STARD13: variants seen among roughly 807,000 people sequenced by gnomAD.
The protein encoded by STARD13 is stAR-related lipid transfer protein 13.
In STARD13, 62 loss-of-function variants were observed where a neutral mutation model predicts 106.4. The observed-to-expected ratio is 0.58, with a 90% confidence interval of 0.48 to 0.72. The LOEUF (loss-of-function observed/expected upper bound fraction) is 0.72, where lower values mean the gene tolerates loss of function less well. Among genes scored for constraint, STARD13 ranks in the 30% least tolerant of loss-of-function variants. The pLI is 0.00. For missense variants in STARD13, 1,387 were observed against 1,424.0 expected (o/e 0.97, Z 0.42); for synonymous variants, 565 against 553.0 (o/e 1.02, Z -0.31).
At chr13:33,202,751 G>A (rs1478054644) in intron 1 of STARD13, among the ~76,000 whole-genome samples, 1 of 152,178 alleles carries the variant, frequency 6.6e-6, no homozygotes, top group Non-Finnish European at 1.5e-5. Context: ...ATTTAGCAGA[G>A]CACAGGGACA....
downstream of STARD13, among the ~76,000 whole-genome samples, chr13:33,346,255 C>A (rs182976322): frequency 1.3e-5 from 2 of 152,318 alleles, no homozygotes; most frequent in Admixed American, 6.5e-5. Context: ...GCCACCCCAG[C>A]TGACAGCTTG....
intron 4 of STARD13, among the ~76,000 whole-genome samples, chr13:33,135,976 G>A (rs1878999258): frequency 6.6e-6 from 1 of 152,070 alleles, no homozygotes; most frequent in African/African-American, 2.4e-5. Flanking sequence ...ACAGAAATTA[G>A]CCTGGTATGG....
the STARD13 span, among the ~76,000 whole-genome samples, chr13:33,515,129 G>A: frequency 6.6e-6 from 1 of 152,122 alleles, no homozygotes; most frequent in Non-Finnish European, 1.5e-5. Context: ...AAATGTTCTG[G>A]CTTCAGTTCC....
At chr13:33,111,183 C>T (rs1053559526) in intron 10 of STARD13, among the ~76,000 whole-genome samples, 3 of 152,170 alleles carry the variant, frequency 2.0e-5, no homozygotes, top group African/African-American at 7.2e-5. Flanking sequence ...CCTTTACTGT[C>T]TTTTTATTCA....
the STARD13 span, among the ~76,000 whole-genome samples, chr13:33,535,176 T>C: frequency 6.6e-6 from 1 of 152,074 alleles, no homozygotes; most frequent in Non-Finnish European, 1.5e-5. Context: ...GATCATGCCA[T>C]TGTGCTCCAG....
the STARD13 span, among the ~76,000 whole-genome samples, chr13:33,618,299 T>C: frequency 6.6e-6 from 1 of 152,254 alleles, no homozygotes. Flanking sequence ...CTTTTATATG[T>C]CAGTCATTGA....
chr13:33,378,658 C>T, the STARD13 span, among the ~76,000 whole-genome samples: 5 of 151,852 alleles, frequency 3.3e-5, no homozygotes, highest in Admixed American at 6.6e-5. Flanking sequence ...AGTGTGGTGG[C>T]GGGCGCCTGT....
intron 8 of STARD13, 122 bp downstream of exon 8, chr13:33,117,943 A>T: frequency 1.3e-6 from 2 of 1,507,652 alleles, no homozygotes; most frequent in Non-Finnish European, 8.8e-7. Context: ...GGAGAGCAGG[A>T]TTACATACAT....
Position 33,104,965 on chromosome 13 carries a change from A to G in STARD13, c.*628T>C, listed in dbSNP as rs2138043412. On this transcript the variant is annotated 3_prime_UTR_variant, in exon 14 of 14. Coordinates refer to ENST00000336934, the MANE Select transcript of STARD13 (RefSeq NM_178006.4). ...AGATCTCCACTCTCAGTTTTTGAAT[A>G]GCAGAAACAAAGCGTTAACACATAA... 6.5e-6 allele frequency: 1 copy of G among 153,170 alleles called. No homozygotes were observed. The highest frequency in any genetic ancestry group is 3.4e-3 in the Middle Eastern group (1 of 294). 9.5% of individuals were successfully genotyped at this position (153,170 alleles called of 1,614,324 possible). A position where few individuals can be genotyped will look rare whatever the true frequency, so the allele number is the denominator to read the frequency against.
At chr13:33,595,340 T>C in the STARD13 span, among the ~76,000 whole-genome samples, 3 of 152,188 alleles carry the variant, frequency 2.0e-5, no homozygotes, top group African/African-American at 7.2e-5. Flanking sequence ...GACCTAACTA[T>C]GTGGATCATC....
rs1208085563 is a variant in STARD13, at chr13:33,130,814, C to G, written c.388-525G>C. ...TTATTTTAGTCCCCTGCACTTGATT[C>G]TTATCGTGTATTCCCTGGATAAGGT... On this transcript the variant is annotated intron_variant, in intron 4 of 13. Transcript: ENST00000336934. This position sits in a 1 kb window ranked among gnomAD's most constrained non-coding sequence, Gnocchi z 4.1. Among the ~76,000 whole-genome samples the G allele has an allele frequency of 6.6e-6, 1 of 152,198 alleles. No homozygotes were observed. Among genetic ancestry groups the G allele is most frequent in the Non-Finnish European group, 1.5e-5 (1 of 68,036 alleles).
chr13:33,513,594 T>C, the STARD13 span, among the ~76,000 whole-genome samples: 2 of 152,306 alleles, frequency 1.3e-5, no homozygotes, highest in South Asian at 4.1e-4. Flanking sequence ...ATATCCTCTC[T>C]GAAGATGCAA....
At chr13:33,310,852 C>T (rs779525431) in intron 1 of STARD13, among the ~76,000 whole-genome samples, 46 of 151,996 alleles carry the variant, frequency 3.0e-4, no homozygotes, top group Non-Finnish European at 4.7e-4. Context: ...ACCTATGACA[C>T]ACCCAGGCTA....
chr13:33,621,432 C>T, the STARD13 span, among the ~76,000 whole-genome samples: 1 of 152,136 alleles, frequency 6.6e-6, no homozygotes, highest in East Asian at 1.9e-4. Context: ...AATCCCAGCA[C>T]TTTGGGAGGC....
At chr13:33,161,625 G>A (rs1594005806) in intron 3 of STARD13, among the ~76,000 whole-genome samples, 1 of 152,196 alleles carries the variant, frequency 6.6e-6, no homozygotes, top group East Asian at 1.9e-4. Context: ...TGCTCTATAT[G>A]TTGAGTGTGG....
chr13:33,148,123 T>C (rs1218843827), intron 3 of STARD13, among the ~76,000 whole-genome samples: 1 of 152,134 alleles, frequency 6.6e-6, no homozygotes, highest in Non-Finnish European at 1.5e-5. Context: ...TCCAAAAAGA[T>C]AACATAGGAG....
Position 33,111,810 on chromosome 13 carries a change from G to A in STARD13, c.2575C>T (p.His859Tyr), listed in dbSNP as rs1431537517. Reference protein sequence around the residue: ...ENLAAAQGLAHMIMECDRLFE... With the variant: ...ENLAAAQGLAYMIMECDRLFE... ...AGTCTGTCGCATTCCATGATCATGT[G>A]CGCTAGCCCCTGAGCTGCTGCCAGA... The change falls in exon 10 of 14, where the codon CAC (histidine) becomes TAC (tyrosine). Residue 859 changes from histidine to tyrosine, a missense_variant. By Grantham distance (83) the His-to-Tyr change is moderately conservative. Transcript: ENST00000336934. 3 of 1,613,968 alleles carry A rather than the reference G, an allele frequency of 1.9e-6. No individual in the cohort carries two copies. Among genetic ancestry groups the A allele is most frequent in the African/African-American group, 2.7e-5 (2 of 74,902 alleles).
At chr13:33,486,761 C>T in the STARD13 span, among the ~76,000 whole-genome samples, 1 of 152,200 alleles carries the variant, frequency 6.6e-6, no homozygotes. Context: ...TGCACTTGAA[C>T]ACTGCCTGCC....
At chr13:33,156,308 G>A (rs943014575) in intron 3 of STARD13, among the ~76,000 whole-genome samples, 19 of 152,270 alleles carry the variant, frequency 1.2e-4, no homozygotes, top group South Asian at 6.2e-4. Context: ...TCTTTTGAGC[G>A]TGTCCCTGTT....
Sources: gnomAD v4.1 joint callset for allele counts (sites outside exome capture counted in the v4.1 genomes callset) on GRCh38, gnomAD v4.1.1 for gene constraint, Gnocchi (gnomAD v3.1) non-coding constraint, MANE v1.5 for transcripts, NCBI Gene and HGNC (gene_info 2026-07-23, HGNC 2026-07-21) for gene names.